SLCO1B1: variants seen among roughly 807,000 people sequenced by gnomAD.
SLCO1B1 encodes solute carrier organic anion transporter family member 1B1.
A neutral mutation model predicts 70.1 loss-of-function variants in SLCO1B1; 81 were observed. The observed-to-expected ratio is 1.16, with a 90% CI of 0.97 to 1.39. The LOEUF is 1.39. Ranked by LOEUF, SLCO1B1 falls within the 40% of genes most tolerant of loss-of-function variation. The pLI is 0.00. For missense variants in SLCO1B1, 895 were observed against 799.6 expected (o/e 1.12, Z -1.44); for synonymous variants, 283 against 271.5 (o/e 1.04, Z -0.42).
intron 11 of SLCO1B1, among the ~76,000 whole-genome samples, chr12:21,212,948 C>T (rs1252158292): frequency 6.6e-6 from 1 of 151,832 alleles, no homozygotes; most frequent in Non-Finnish European, 1.5e-5. Context: ...TATTTTGAGC[C>T]TATGTGTGTC....
chr12:21,188,623 C>G (rs576171566), intron 7 of SLCO1B1, among the ~76,000 whole-genome samples: 3 of 151,994 alleles, frequency 2.0e-5, no homozygotes, highest in African/African-American at 7.2e-5. Flanking sequence ...TTAACACCAT[C>G]CCCCTTGATG....
chr12:21,151,067 C>A (rs1018167501), intron 2 of SLCO1B1, among the ~76,000 whole-genome samples: 14 of 152,250 alleles, frequency 9.2e-5, no homozygotes, highest in Non-Finnish European at 1.9e-4. Context: ...ATATTATAGC[C>A]TACTACACAC....
chr12:21,214,736 C>G (rs1565441220), intron 11 of SLCO1B1, among the ~76,000 whole-genome samples: 3 of 152,216 alleles, frequency 2.0e-5, no homozygotes, highest in East Asian at 3.9e-4. Flanking sequence ...GTAGGACCCT[C>G]CAAGACAGGT....
intron 8 of SLCO1B1, among the ~76,000 whole-genome samples, chr12:21,198,210 G>A (rs907976133): frequency 6.6e-6 from 1 of 151,900 alleles, no homozygotes; most frequent in African/African-American, 2.4e-5. Flanking sequence ...TCTTTATATT[G>A]GCTCATAGCA....
intron 7 of SLCO1B1, among the ~76,000 whole-genome samples, chr12:21,192,158 A>G (rs1941036267): frequency 6.6e-6 from 1 of 151,944 alleles, no homozygotes; most frequent in African/African-American, 2.4e-5. Context: ...CTTCTCTTCA[A>G]TTTTTGGCAA....
At chr12:21,132,272 T>G (rs111806418) in intron 1 of SLCO1B1, among the ~76,000 whole-genome samples, 1 of 152,214 alleles carries the variant, frequency 6.6e-6, no homozygotes, top group Non-Finnish European at 1.5e-5. Context: ...TCTTTGCTAC[T>G]GTGAATAGTG....
chr12:21,131,611 T>G (rs1430970063), intron 1 of SLCO1B1, among the ~76,000 whole-genome samples: 1 of 152,080 alleles, frequency 6.6e-6, no homozygotes, highest in Non-Finnish European at 1.5e-5. Flanking sequence ...ACTAGACTCC[T>G]TATTTCTTTG....
chr12:21,200,519 T>G lies in SLCO1B1; in HGVS notation c.982T>G (p.Ser328Ala). 5.1e-6 allele frequency: 8 copies of G among 1,564,650 alleles called. No homozygotes were observed. Among genetic ancestry groups the G allele is most frequent in the Non-Finnish European group, 6.9e-6 (8 of 1,154,924 alleles). ...ITKNVTGFFQSFKSILTNPLY... is the reference protein window; with the variant it reads ...ITKNVTGFFQAFKSILTNPLY... The stretch of plus-strand genomic sequence containing the variant: ...TTACAATTTTACAGGTTTTTTCCAG[T>G]CTTTTAAAAGCATCCTTACTAATCC... Residue 328 changes from serine (S) to alanine (A), a missense_variant, in exon 9 of 15, where the codon TCT becomes GCT. Physicochemically the swap from Ser to Ala is moderately conservative, Grantham distance 99 (BLOSUM62 1). Transcript: ENST00000256958.
chr12:21,233,117 A>T (rs990600727), intron 14 of SLCO1B1, among the ~76,000 whole-genome samples: 3 of 152,040 alleles, frequency 2.0e-5, no homozygotes, highest in Non-Finnish European at 2.9e-5. Flanking sequence ...ACTTTCTTTC[A>T]TTGGTCCCTA....
chr12:21,192,491 G>A (rs550704770), intron 7 of SLCO1B1, among the ~76,000 whole-genome samples: 1 of 151,360 alleles, frequency 6.6e-6, no homozygotes, highest in South Asian at 2.1e-4. Context: ...GCTTAGTCTA[G>A]TTTAAAGTTT....
chr12:21,133,977 G>C (rs1940178494), intron 1 of SLCO1B1, among the ~76,000 whole-genome samples: 2 of 152,250 alleles, frequency 1.3e-5, no homozygotes, highest in South Asian at 4.1e-4. Context: ...GTTTGTCATA[G>C]ATAGCTCTTA....
intron 1 of SLCO1B1, among the ~76,000 whole-genome samples, chr12:21,136,016 T>G (rs914972928): frequency 2.0e-5 from 3 of 152,116 alleles, no homozygotes; most frequent in Non-Finnish European, 2.9e-5. Context: ...AGGAGCTCTT[T>G]TAGGGCAGGC....
chr12:21,132,949 G>A (rs1433088155), intron 1 of SLCO1B1, among the ~76,000 whole-genome samples: 1 of 151,766 alleles, frequency 6.6e-6, no homozygotes, highest in African/African-American at 2.4e-5. Context: ...TTTCTTCTAG[G>A]GTTTTTATGG....
chr12:21,172,316 TAAAG>T (rs1038015556), intron 2 of SLCO1B1, among the ~76,000 whole-genome samples: 5 of 152,166 alleles, frequency 3.3e-5, no homozygotes, highest in Non-Finnish European at 5.9e-5. Flanking sequence ...CATATGGAAA[TAAAG>T]AATAGCTCAC....
chr12:21,213,433 C>T (rs1233484553), intron 11 of SLCO1B1, among the ~76,000 whole-genome samples: 106 of 151,158 alleles, frequency 7.0e-4, no homozygotes, highest in Admixed American at 2.1e-3. Context: ...CCGAGAGATC[C>T]GCTGTTAGTC....
chr12:21,197,131 A>T lies in SLCO1B1; in HGVS notation c.913A>T (p.Lys305Ter), dbSNP rs1256108949. ...SLHVLETNDE[K>*]DQTANLTNQG... ...GCATGTGCTGGAAACAAATGATGAA[A>T]AGGATCAAACAGCTAATTTGACCAA... Residue 305 changes from lysine to a stop codon, truncating the protein, a stop_gained, in exon 8 of 15, where the codon AAG (lysine) becomes TAG (stop). Transcript: ENST00000256958. LOFTEE classifies it high-confidence loss of function. 1 of 1,613,676 alleles carries T rather than the reference A, an allele frequency of 6.2e-7. No homozygotes were observed. The highest frequency in any genetic ancestry group is 1.1e-5 in the South Asian group (1 of 91,082).
chr12:21,194,910 C>A (rs1941073530), intron 7 of SLCO1B1, among the ~76,000 whole-genome samples: 1 of 152,176 alleles, frequency 6.6e-6, no homozygotes, highest in Non-Finnish European at 1.5e-5. Context: ...AAAGCAGGAG[C>A]AGGCACATCA....
At chr12:21,228,899 A>G (rs1167995998) in intron 14 of SLCO1B1, among the ~76,000 whole-genome samples, 1 of 152,046 alleles carries the variant, frequency 6.6e-6, no homozygotes, top group Non-Finnish European at 1.5e-5. Context: ...GCTGGAAATG[A>G]CCAACCCTCT....
In SLCO1B1 at chr12:21,174,512, G is replaced by A. The variant is rs1453222164; in HGVS notation, c.227-65G>A. On this transcript the variant is annotated intron_variant, in intron 3 of 14. Transcript: ENST00000256958. ...TTGGACTCTATTTGCATCCATTCTG[G>A]GGTTTTCAATTCTAGACGCAAAATT... is the stretch of plus-strand genomic sequence containing the variant. 13 of 1,517,808 alleles carry A rather than the reference G, an allele frequency of 8.6e-6. No individual in the cohort carries two copies. The African/African-American group carries it at 1.8e-4, about 21-fold the overall frequency. 94.0% of individuals were successfully genotyped at this position (1,517,808 alleles called of 1,614,324 possible).
Sources: allele counts gnomAD v4.1 joint callset (sites outside exome capture counted in the v4.1 genomes callset), GRCh38; gene constraint gnomAD v4.1.1; transcripts MANE v1.5; gene names NCBI Gene and HGNC (gene_info 2026-07-23, HGNC 2026-07-21).